The following PLEKHM3 variants were observed in gnomAD, a reference collection of about 807,000 sequenced individuals.
PLEKHM3 encodes pleckstrin homology domain containing M3, also known as pleckstrin homology domain-containing family M member 3.
Under a neutral mutation model 81.8 loss-of-function variants are expected in PLEKHM3, and 45 were observed. The ratio of observed to expected loss-of-function variants is 0.55; its 90% CI spans 0.43 to 0.71. The LOEUF (loss-of-function observed/expected upper bound fraction) is 0.71, where lower values mean the gene tolerates loss of function less well. Ranked by LOEUF, PLEKHM3 falls within the 30% of genes least tolerant of loss-of-function variation. The probability of loss-of-function intolerance (pLI) is 0.00; values close to 1 mark genes in which losing one functional copy is unlikely to be tolerated. For synonymous variants in PLEKHM3, 352 were observed against 356.4 expected (o/e 0.99, Z 0.14); for missense variants, 788 against 924.3 (o/e 0.85, Z 1.91).
At chr2:207,879,565 G>T (rs2092576224) in intron 6 of PLEKHM3, among the ~76,000 whole-genome samples, 1 of 152,188 alleles carries the variant, frequency 6.6e-6, no homozygotes, top group Non-Finnish European at 1.5e-5. Flanking sequence ...AAACAAAATG[G>T]CAAGTCTTTG....
In PLEKHM3 at chr2:207,823,166, A is replaced by G. The variant is rs1559194333; in HGVS notation, c.*5153T>C. On this transcript the variant is annotated 3_prime_UTR_variant, in exon 8 of 8. Coordinates refer to ENST00000427836, the MANE Select transcript of PLEKHM3 (RefSeq NM_001080475.3). Reference sequence around the variant, plus strand: ...GTCTTGTCTTTCTAACAAGACGAACAGGCAGTGGCTTCTCTTTTCACAGGG... The same window carrying G: ...GTCTTGTCTTTCTAACAAGACGAACGGGCAGTGGCTTCTCTTTTCACAGGG... The G allele has an allele frequency of 6.6e-6, 1 of 152,214 alleles. No individual in the cohort carries two copies. The highest frequency in any genetic ancestry group is 1.5e-5 in the Non-Finnish European group (1 of 68,034). 9.4% of individuals were successfully genotyped at this position (152,214 alleles called of 1,614,324 possible).
intron 2 of PLEKHM3, among the ~76,000 whole-genome samples, chr2:207,995,853 T>C (rs1692103290): frequency 6.6e-6 from 1 of 152,232 alleles, no homozygotes; most frequent in Non-Finnish European, 1.5e-5. Flanking sequence ...TTCTCTCATA[T>C]ATCCCTTCCC....
intron 4 of PLEKHM3, among the ~76,000 whole-genome samples, chr2:207,939,464 G>C (rs770213575): frequency 1.3e-5 from 2 of 152,168 alleles, no homozygotes; most frequent in Non-Finnish European, 2.9e-5. Context: ...GCTGGGAAAC[G>C]GTTATGGATG....
chr2:207,866,348 G>T (rs937034455), intron 6 of PLEKHM3, among the ~76,000 whole-genome samples: 1 of 152,086 alleles, frequency 6.6e-6, no homozygotes, highest in Non-Finnish European at 1.5e-5. Flanking sequence ...GTAGAGGTGG[G>T]GTTTCACCAT....
chr2:207,923,851 G>GCACACACA (rs1559238663), intron 5 of PLEKHM3, among the ~76,000 whole-genome samples: 1 of 36,794 alleles, frequency 2.7e-5, no homozygotes, highest in Admixed American at 3.6e-4. Flanking sequence ...ACATACACAC[G>GCACACACA]CACGCACACA....
chr2:207,977,117 T>C lies in PLEKHM3; in HGVS notation c.1080A>G (p.Gln360=). The part of the protein sequence containing the change: ...SPVLDSSKQY[Q]NILKSGTLYR... The stretch of plus-strand genomic sequence containing the variant: ...AGAGAGTCCCTGATTTGAGGATGTT[T>C]TGGTACTGTTTGGAGCTGTCCAGGA... The change falls in exon 3 of 8, where the codon CAA becomes CAG. Residue 360 remains glutamine (Q), a synonymous_variant. Coordinates refer to ENST00000427836, the MANE Select transcript of PLEKHM3 (RefSeq NM_001080475.3). The C allele has an allele frequency of 6.2e-7, 1 of 1,614,190 alleles. No individual in the cohort carries two copies. Among genetic ancestry groups the C allele is most frequent in the Non-Finnish European group, 8.5e-7 (1 of 1,180,026 alleles).
At chr2:207,951,306 T>A (rs1253103183) in intron 3 of PLEKHM3, among the ~76,000 whole-genome samples, 1 of 152,214 alleles carries the variant, frequency 6.6e-6, no homozygotes, top group East Asian at 1.9e-4. Flanking sequence ...CAAAAAATAA[T>A]TAATTGAAAT....
intron 7 of PLEKHM3, among the ~76,000 whole-genome samples, chr2:207,835,840 A>G (rs1031209541): frequency 1.1e-4 from 16 of 152,196 alleles, no homozygotes; most frequent in Admixed American, 8.5e-4. Context: ...TCCCAAGGGA[A>G]AAAAACATAA....
chr2:207,886,586 A>G (rs11690389), intron 6 of PLEKHM3, among the ~76,000 whole-genome samples: 322 of 152,342 alleles, frequency 2.1e-3, no homozygotes, highest in Non-Finnish European at 3.7e-3. Flanking sequence ...TGAAGCTAAC[A>G]CAGATGCTGC....
rs1439215146 is a variant in PLEKHM3, at chr2:207,843,235, C to G, written c.2109-14739G>C. Among the ~76,000 whole-genome samples, 1 of 152,112 alleles carries G rather than the reference C, an allele frequency of 6.6e-6. No individual in the cohort carries two copies. Among genetic ancestry groups the G allele is most frequent in the Non-Finnish European group, 1.5e-5 (1 of 67,992 alleles). On this transcript the variant is annotated intron_variant, in intron 7 of 7. Transcript: ENST00000427836. This position sits in a 1 kb window ranked among gnomAD's most constrained non-coding sequence, Gnocchi z 4.4. Reference sequence around the variant, plus strand: ...AAAGTGTTGGCCTCCTTTGGCCTCCCAAAGTGTTGAGCCACCGCACCAGGG... The same window carrying G: ...AAAGTGTTGGCCTCCTTTGGCCTCCGAAAGTGTTGAGCCACCGCACCAGGG...
intron 3 of PLEKHM3, among the ~76,000 whole-genome samples, chr2:207,971,501 T>C (rs1245422029): frequency 1.3e-5 from 2 of 152,086 alleles, no homozygotes. Context: ...TATACATATG[T>C]ATTGCAATAT....
intron 7 of PLEKHM3, among the ~76,000 whole-genome samples, chr2:207,846,254 GC>G (rs1553543479): frequency 6.6e-6 from 1 of 152,036 alleles, no homozygotes; most frequent in Non-Finnish European, 1.5e-5. Context: ...GCAGTTCTCT[GC>G]CTCAGCCTCT....
intron 6 of PLEKHM3, among the ~76,000 whole-genome samples, chr2:207,890,140 T>A (rs1156637945): frequency 6.6e-6 from 1 of 152,180 alleles, no homozygotes; most frequent in Admixed American, 6.5e-5. Flanking sequence ...AAATTGGCTT[T>A]AGTGCTCATA....
At chr2:207,858,663 T>C (rs1312151690) in intron 7 of PLEKHM3, among the ~76,000 whole-genome samples, 1 of 152,030 alleles carries the variant, frequency 6.6e-6, no homozygotes, top group Non-Finnish European at 1.5e-5. Context: ...ATATTTTTAG[T>C]AGAGACGAGG....
chr2:207,876,154 T>C (rs2092558804), intron 6 of PLEKHM3, among the ~76,000 whole-genome samples: 1 of 152,202 alleles, frequency 6.6e-6, no homozygotes, highest in Non-Finnish European at 1.5e-5. Flanking sequence ...AAGGGCTGAC[T>C]TGAAAAGCTC....
chr2:207,924,693 A>G (rs2105928835), intron 5 of PLEKHM3, among the ~76,000 whole-genome samples: 1 of 152,178 alleles, frequency 6.6e-6, no homozygotes, highest in South Asian at 2.1e-4. Context: ...TCAAAACCAA[A>G]CCAAAACAAA....
At position 207,865,803 on chromosome 2, in the gene PLEKHM3, G is replaced by GATATAT. The variant is rs71036961; in HGVS notation, c.1951-4547_1951-4542dup. Among the ~76,000 whole-genome samples the GATATAT allele has an allele frequency of 4.3e-3, 126 of 29,382 alleles. 7 individuals are homozygous for GATATAT. The highest frequency in any genetic ancestry group is 8.3e-3 in the East Asian group (7 of 844). 19.3% of individuals were successfully genotyped at this position (29,382 alleles called of 152,430 possible). ...ACTCAAAAAAAAAAAAAAAAAAAAA[G>GATATAT]ATATATATATATATATATATATATA... On this transcript the variant is annotated intron_variant, in intron 6 of 7. Coordinates refer to ENST00000427836, the MANE Select transcript of PLEKHM3 (RefSeq NM_001080475.3).
chr2:207,999,390 G>T (rs1407041695), intron 2 of PLEKHM3, among the ~76,000 whole-genome samples: 1 of 152,070 alleles, frequency 6.6e-6, no homozygotes, highest in Non-Finnish European at 1.5e-5. Flanking sequence ...TGAAATGGAA[G>T]GATTGCTTGA....
At position 207,865,804 on chromosome 2, in the gene PLEKHM3, ATATATATATATAT is replaced by A. The variant is rs2092496461; in HGVS notation, c.1951-4555_1951-4543del. On this transcript the variant is annotated intron_variant, in intron 6 of 7. Transcript: ENST00000427836. The stretch of plus-strand genomic sequence containing the variant: ...CTCAAAAAAAAAAAAAAAAAAAAAG[ATATATATATATAT>A]ATATATATATATATATATATACTTT... 1.3e-3 allele frequency among the ~76,000 whole-genome samples: 41 copies of A among 30,910 alleles called. 2 individuals are homozygous for A. Among genetic ancestry groups the A allele is most frequent in the African/African-American group, 3.3e-3 (20 of 5,972 alleles). 20.3% of individuals were successfully genotyped at this position (30,910 alleles called of 152,430 possible). A position where few individuals can be genotyped will look rare whatever the true frequency, so the allele number is the denominator to read the frequency against.
Sources: allele counts gnomAD v4.1 joint callset (sites outside exome capture counted in the v4.1 genomes callset), GRCh38; gene constraint gnomAD v4.1.1; non-coding constraint Gnocchi (gnomAD v3.1); transcripts MANE v1.5; gene names NCBI Gene and HGNC (gene_info 2026-07-23, HGNC 2026-07-21).